Variants in EPB41L4A observed in about 807,000 individuals in gnomAD.
EPB41L4A encodes band 4.1-like protein 4A.
EPB41L4A carries 100 observed loss-of-function variants against 108.6 expected under a neutral mutation model. The ratio of observed to expected loss-of-function variants is 0.92; its 90% CI spans 0.78 to 1.09. EPB41L4A has a LOEUF of 1.09. Among genes scored for constraint, EPB41L4A ranks in the 50% least tolerant of loss-of-function variants. The pLI, the probability that EPB41L4A is intolerant of heterozygous loss-of-function variation, is 0.00. For missense variants in EPB41L4A, 1,030 were observed against 842.7 expected (o/e 1.22, Z -2.75); for synonymous variants, 319 against 289.0 (o/e 1.10, Z -1.05).
At chr5:112,150,620 A>G (rs1464908306) in intron 12 of EPB41L4A, among the ~76,000 whole-genome samples, 1 of 152,202 alleles carries the variant, frequency 6.6e-6, no homozygotes, top group Non-Finnish European at 1.5e-5. Flanking sequence ...TAGGTTAAAT[A>G]AAAAGAAACT....
chr5:112,324,193 G>A (rs1561572025), intron 1 of EPB41L4A, among the ~76,000 whole-genome samples: 1 of 152,132 alleles, frequency 6.6e-6, no homozygotes, highest in Non-Finnish European at 1.5e-5. Flanking sequence ...TACAGGAAGA[G>A]AAAACTTAAC....
At chr5:112,255,430 C>T (rs954585357) in intron 9 of EPB41L4A, among the ~76,000 whole-genome samples, 1 of 152,158 alleles carries the variant, frequency 6.6e-6, no homozygotes, top group African/African-American at 2.4e-5. Context: ...ACATACTTAA[C>T]AGGGGAACTG....
chr5:112,378,566 G>T (rs1759967491), intron 1 of EPB41L4A, among the ~76,000 whole-genome samples: 1 of 152,126 alleles, frequency 6.6e-6, no homozygotes, highest in South Asian at 2.1e-4. Context: ...TTGTAACACA[G>T]AGAAGACATC....
intron 1 of EPB41L4A, among the ~76,000 whole-genome samples, chr5:112,396,025 C>T (rs1761318214): frequency 6.6e-6 from 1 of 152,118 alleles, no homozygotes; most frequent in African/African-American, 2.4e-5. Flanking sequence ...CACATGTTCT[C>T]ACTCATAGGT....
chr5:112,325,164 G>C (rs945271616), intron 1 of EPB41L4A, among the ~76,000 whole-genome samples: 4 of 152,144 alleles, frequency 2.6e-5, no homozygotes, highest in South Asian at 2.1e-4. Context: ...AGTCAGGGCC[G>C]GGCGCGGTGG....
chr5:112,228,790 C>T, intron 12 of EPB41L4A: 1 of 973,116 alleles, frequency 1.0e-6, no homozygotes, highest in African/African-American at 1.8e-5. Context: ...TGGCTTTACC[C>T]AAGCTCCTCT....
intron 12 of EPB41L4A, among the ~76,000 whole-genome samples, chr5:112,225,382 A>G (rs1748380488): frequency 1.3e-5 from 2 of 152,168 alleles, no homozygotes; most frequent in Admixed American, 1.3e-4. Context: ...GTTTTGTACA[A>G]TTGATCTTAT....
intron 17 of EPB41L4A, 43 bp downstream of exon 17, chr5:112,194,525 T>G: frequency 8.3e-7 from 1 of 1,209,602 alleles, no homozygotes; most frequent in South Asian, 1.4e-5. Context: ...AAGGGCAGCC[T>G]CTGATTTCAG....
In EPB41L4A at chr5:112,284,667, C is replaced by T. The variant is rs558694973; in HGVS notation, c.205-4344G>A. On this transcript the variant is annotated intron_variant, in intron 2 of 22. Coordinates refer to ENST00000261486, the MANE Select transcript of EPB41L4A (RefSeq NM_022140.5). ...CTCTCTGATGTCGCACAGTCCACTCCTAACATACTGTATCCTAAACACTCC... is the reference window on the plus strand; with the variant it reads ...CTCTCTGATGTCGCACAGTCCACTCTTAACATACTGTATCCTAAACACTCC... Among the ~76,000 whole-genome samples, 14 of 152,322 alleles carry T rather than the reference C, an allele frequency of 9.2e-5. 1 individual carries two copies. The South Asian group carries it at 2.9e-3, about 32-fold the overall frequency.
chr5:112,218,110 G>C (rs949433526), intron 12 of EPB41L4A, among the ~76,000 whole-genome samples: 5 of 152,192 alleles, frequency 3.3e-5, no homozygotes, highest in African/African-American at 1.2e-4. Flanking sequence ...TCCTCCTTGT[G>C]GGTCAGAATG....
At chr5:112,231,667 C>T (rs1478190211) in intron 12 of EPB41L4A, among the ~76,000 whole-genome samples, 1 of 150,970 alleles carries the variant, frequency 6.6e-6, no homozygotes, top group Non-Finnish European at 1.5e-5. Context: ...CGCCTGTAGT[C>T]CCAGCTACTC....
chr5:112,146,670 TA>T (rs1364204185), intron 12 of EPB41L4A, among the ~76,000 whole-genome samples: 5 of 151,710 alleles, frequency 3.3e-5, no homozygotes, highest in Non-Finnish European at 7.4e-5. Flanking sequence ...ATACCTGACT[TA>T]AAAAAAAATT....
At chr5:112,263,021 G>A (rs1751601163) in intron 6 of EPB41L4A, among the ~76,000 whole-genome samples, 1 of 152,120 alleles carries the variant, frequency 6.6e-6, no homozygotes, top group South Asian at 2.1e-4. Flanking sequence ...ACCCAACTGG[G>A]ATCATATCGA....
intron 9 of EPB41L4A, among the ~76,000 whole-genome samples, chr5:112,250,036 A>T (rs945908862): frequency 2.6e-5 from 4 of 152,272 alleles, no homozygotes; most frequent in Admixed American, 1.3e-4. Flanking sequence ...TTTTTAAAAA[A>T]TTTTGAAACG....
intron 1 of EPB41L4A, among the ~76,000 whole-genome samples, chr5:112,367,342 A>T (rs1341201243): frequency 6.6e-6 from 1 of 152,202 alleles, no homozygotes; most frequent in Non-Finnish European, 1.5e-5. Flanking sequence ...CAAATAAGTT[A>T]TCTTAAGAGC....
chr5:112,213,750 C>A (rs1342930610), intron 12 of EPB41L4A, among the ~76,000 whole-genome samples: 3 of 152,112 alleles, frequency 2.0e-5, no homozygotes, highest in Non-Finnish European at 2.9e-5. Context: ...GTTTTAAAAG[C>A]CTTATTAGGA....
intron 9 of EPB41L4A, among the ~76,000 whole-genome samples, chr5:112,258,210 T>TGGCA (rs1751244185): frequency 6.6e-6 from 1 of 152,230 alleles, no homozygotes; most frequent in South Asian, 2.1e-4. Context: ...TTTTCTGATG[T>TGGCA]GGCAGCACAC....
downstream of EPB41L4A, among the ~76,000 whole-genome samples, chr5:112,159,958 G>C (rs1357920537): frequency 6.8e-6 from 1 of 146,236 alleles, no homozygotes; most frequent in African/African-American, 2.5e-5. Context: ...CTGGAGTCAA[G>C]TGGCATGATC....
intron 1 of EPB41L4A, among the ~76,000 whole-genome samples, chr5:112,359,790 T>C (rs1287588369): frequency 6.6e-6 from 1 of 152,194 alleles, no homozygotes; most frequent in Non-Finnish European, 1.5e-5. Context: ...TCCACCCGCC[T>C]TGGCCTCCCA....
Sources: allele counts gnomAD v4.1 joint callset (sites outside exome capture counted in the v4.1 genomes callset), GRCh38; gene constraint gnomAD v4.1.1; transcripts MANE v1.5; gene names NCBI Gene and HGNC (gene_info 2026-07-23, HGNC 2026-07-21).